The following RSL1D1 variants were observed in gnomAD, a reference collection of about 807,000 sequenced individuals.
The protein encoded by RSL1D1 is ribosomal L1 domain-containing protein 1.
In RSL1D1, 34 loss-of-function variants were observed where a neutral mutation model predicts 44.6. The ratio of observed to expected loss-of-function variants is 0.76; its 90% CI spans 0.58 to 1.02. The LOEUF (loss-of-function observed/expected upper bound fraction) is 1.02, where lower values mean the gene tolerates loss of function less well. RSL1D1 is among the 50% of genes least tolerant of loss of function. RSL1D1 has a pLI of 0.00. For synonymous variants in RSL1D1, 271 were observed against 207.4 expected (o/e 1.31, Z -2.63); for missense variants, 767 against 568.1 (o/e 1.35, Z -3.56).
In RSL1D1 at chr16:11,846,822, T is replaced by A. The variant is rs1423726467; in HGVS notation, c.406A>T (p.Lys136Ter). The A allele has an allele frequency of 6.2e-7, 1 of 1,611,224 alleles. No homozygotes were observed. ...GCTTCATAGGATTTATATTCCTTCT[T>A]TAGAGTTTGGAGGGAGATAATCTAG... ...VSQIISLQTL[K>*]KEYKSYEAKL... is the part of the protein sequence containing the mutation. The change falls in exon 4 of 9, where the codon AAG (lysine) becomes TAG (stop). Residue 136 changes from lysine (K) to a stop codon, truncating the protein, a stop_gained. Coordinates refer to ENST00000571133, the MANE Select transcript of RSL1D1 (RefSeq NM_015659.3). LOFTEE classifies it high-confidence loss of function.
Position 11,834,895 on chromosome 16 carries a change from G to C in RSL1D1, c.*2892C>G, listed in dbSNP as rs2053705957. 2 of 152,138 alleles carry C rather than the reference G, an allele frequency of 1.3e-5. No homozygotes were observed. The highest frequency in any genetic ancestry group is 1.3e-4 in the Admixed American group (2 of 15,268). The allele number at this position is 152,138 out of a possible 1,614,324, so 9.4% of individuals were successfully genotyped here. Reference sequence around the variant, plus strand: ...TTGGGAGGCTGAGGCAGGAGGACTTGAGCCCAGGAGTTCGAGCCCAGCCTA... The same window carrying C: ...TTGGGAGGCTGAGGCAGGAGGACTTCAGCCCAGGAGTTCGAGCCCAGCCTA... On this transcript the variant is annotated 3_prime_UTR_variant, in exon 9 of 9. Transcript: ENST00000571133.
At chr16:11,843,899 TA>T (rs935944374) in intron 5 of RSL1D1, among the ~76,000 whole-genome samples, 1 of 93,362 alleles carries the variant, frequency 1.1e-5, no homozygotes, top group African/African-American at 4.0e-5. Flanking sequence ...AAAAAAAGAG[TA>T]AATAGTTCTT....
At position 11,851,459 on chromosome 16, in the gene RSL1D1, G is replaced by A. The variant is rs749787930; in HGVS notation, c.54C>T (p.Ser18=). 3.7e-6 allele frequency: 6 copies of A among 1,613,992 alleles called. No individual in the cohort carries two copies. The highest frequency in any genetic ancestry group is 1.3e-5 in the African/African-American group (1 of 74,944). ...CTGTCGGGGCCGCTGGAGTCGAGGT[G>A]GAGGTTCCAGTAGCGGCTGCAGAAG... ...SLSSAAATGT[S]TSTPAAPTAR... is the part of the protein sequence containing the mutation. The change falls in exon 1 of 9, where the codon TCC becomes TCT. Residue 18 remains serine (S), a synonymous_variant. Transcript: ENST00000571133.
In RSL1D1 at chr16:11,839,857, A is replaced by T; in HGVS notation, c.984T>A (p.Thr328=). 6.2e-7 allele frequency: 1 copy of T among 1,614,118 alleles called. No homozygotes were observed. The highest frequency in any genetic ancestry group is 8.5e-7 in the Non-Finnish European group (1 of 1,180,040). ...TCTTTGATTCAGGTTTCTTCACTGTAGTATCACCACTTTCAGGTGCCACAT... is the reference window on the plus strand; with the variant it reads ...TCTTTGATTCAGGTTTCTTCACTGTTGTATCACCACTTTCAGGTGCCACAT... The part of the protein sequence containing the change: ...KDDVAPESGD[T]TVKKPESKKE... The change falls in exon 8 of 9, where the codon ACT becomes ACA. Residue 328 remains threonine, a synonymous_variant. Transcript: ENST00000571133.
Position 11,836,342 on chromosome 16 carries a change from T to C in RSL1D1, c.*1445A>G, listed in dbSNP as rs1394756977. The C allele has an allele frequency of 6.6e-6, 1 of 152,232 alleles. No individual in the cohort carries two copies. The highest frequency in any genetic ancestry group is 1.5e-5 in the Non-Finnish European group (1 of 68,046). 9.4% of individuals were successfully genotyped at this position (152,232 alleles called of 1,614,324 possible). On this transcript the variant is annotated 3_prime_UTR_variant, in exon 9 of 9. Coordinates refer to ENST00000571133, the MANE Select transcript of RSL1D1 (RefSeq NM_015659.3). ...CTGGTCACCCTAACAGGGTTACAGA[T>C]GTAAGCCACTGCATCTAGCACCCAC...
chr16:11,834,374 A>C lies in RSL1D1; in HGVS notation c.*3413T>G, dbSNP rs2053702892. 6.6e-6 allele frequency: 1 copy of C among 152,252 alleles called. No homozygotes were observed. Among genetic ancestry groups the C allele is most frequent in the Admixed American group, 6.5e-5 (1 of 15,276 alleles). 9.4% of individuals were successfully genotyped at this position (152,252 alleles called of 1,614,324 possible). A position where few individuals can be genotyped will look rare whatever the true frequency, so the allele number is the denominator to read the frequency against. ...ATAACACCAGCATCTTGCTCAATAAATTGAAGCCAGCTTTTTCAACAGAGA... is the reference window on the plus strand; with the variant it reads ...ATAACACCAGCATCTTGCTCAATAACTTGAAGCCAGCTTTTTCAACAGAGA... On this transcript the variant is annotated 3_prime_UTR_variant, in exon 9 of 9. Coordinates refer to ENST00000571133, the MANE Select transcript of RSL1D1 (RefSeq NM_015659.3).
rs772213802 is a variant in RSL1D1, at chr16:11,839,752, G to A, written c.1089C>T (p.Asp363=). 99 of 1,613,926 alleles carry A rather than the reference G, an allele frequency of 6.1e-5. No individual in the cohort carries two copies. The highest frequency in any genetic ancestry group is 7.5e-5 in the Non-Finnish European group (89 of 1,180,010). ...AQVKATNESE[D]EIPQLVPIGK... ...CTATTGGTACCAGCTGTGGGATTTC[G>A]TCTTCGGATTCATTTGTTGCTTTAA... is the stretch of plus-strand genomic sequence containing the variant. The change falls in exon 8 of 9, where the codon GAC becomes GAT. Residue 363 remains aspartate (D), a synonymous_variant. Coordinates refer to ENST00000571133, the MANE Select transcript of RSL1D1 (RefSeq NM_015659.3).
At chr16:11,841,190 G>A (rs544244609) in intron 7 of RSL1D1, among the ~76,000 whole-genome samples, 27 of 152,182 alleles carry the variant, frequency 1.8e-4, no homozygotes, top group South Asian at 4.1e-4. Flanking sequence ...CAGGCGGATC[G>A]CTTGAGCTCA....
Position 11,849,067 on chromosome 16 carries a change from C to T in RSL1D1, c.245+1212G>A, listed in dbSNP as rs11645213. Among the ~76,000 whole-genome samples, 17 of 151,926 alleles carry T rather than the reference C, an allele frequency of 1.1e-4. No individual in the cohort carries two copies. The South Asian group carries it at 3.5e-3, about 31-fold the overall frequency. On this transcript the variant is annotated intron_variant, in intron 2 of 8. Coordinates refer to ENST00000571133, the MANE Select transcript of RSL1D1 (RefSeq NM_015659.3). ...GTGCTGAGATTACAGGGATGAGTCA[C>T]CATGCCCAGCATAACATAACTTTTA...
chr16:11,834,783 T>C lies in RSL1D1; in HGVS notation c.*3004A>G, dbSNP rs1596434683. Reference sequence around the variant, plus strand: ...TAATTTTATATTTTAGATGCTTTCATAATTTAAAAAGTTAACATTACAATT... The same window carrying C: ...TAATTTTATATTTTAGATGCTTTCACAATTTAAAAAGTTAACATTACAATT... On this transcript the variant is annotated 3_prime_UTR_variant, in exon 9 of 9. Transcript: ENST00000571133. 3 of 152,342 alleles carry C rather than the reference T, an allele frequency of 2.0e-5. No homozygotes were observed. In the South Asian group the frequency reaches 6.2e-4, roughly 32 times the overall value. 9.4% of individuals were successfully genotyped at this position (152,342 alleles called of 1,614,324 possible).
At chr16:11,839,663 T>A (rs2053749729) in intron 8 of RSL1D1, 32 bp downstream of exon 8, 1 of 1,605,486 alleles carries the variant, frequency 6.2e-7, no homozygotes, top group Non-Finnish European at 8.5e-7. Flanking sequence ...ACTGAACCAA[T>A]CCATTATGAA....
intron 7 of RSL1D1, chr16:11,841,426 G>A (rs936494849): frequency 4.9e-5 from 15 of 303,230 alleles, no homozygotes. Flanking sequence ...AACCCAGCAA[G>A]CACTGGATCT....
rs550897138 is a variant in RSL1D1 at position 11,835,584 on chromosome 16, C to T, written c.*2203G>A. On this transcript the variant is annotated 3_prime_UTR_variant, in exon 9 of 9. Transcript: ENST00000571133. Reference sequence around the variant, plus strand: ...TCATGGCCCATTGCAGCCTCTACCTCCCGGGTTCAAGCAATCCTCCCACCT... The same window carrying T: ...TCATGGCCCATTGCAGCCTCTACCTTCCGGGTTCAAGCAATCCTCCCACCT... The T allele has an allele frequency of 6.6e-6, 1 of 152,360 alleles. No individual in the cohort carries two copies. The highest frequency in any genetic ancestry group is 2.1e-4 in the South Asian group (1 of 4,826). 9.4% of individuals were successfully genotyped at this position (152,360 alleles called of 1,614,324 possible).
chr16:11,847,060 T>C (rs992063580), intron 3 of RSL1D1, among the ~76,000 whole-genome samples: 2 of 152,034 alleles, frequency 1.3e-5, no homozygotes, highest in Non-Finnish European at 2.9e-5. Context: ...GCAACTTAGA[T>C]CTAGGTGGGC....
chr16:11,848,207 C>A (rs1485356174), intron 2 of RSL1D1, among the ~76,000 whole-genome samples: 1 of 152,080 alleles, frequency 6.6e-6, no homozygotes, highest in Non-Finnish European at 1.5e-5. Flanking sequence ...GAGCCAAGAT[C>A]GCACCACTGG....
chr16:11,850,708 C>T (rs1229917158), intron 1 of RSL1D1, among the ~76,000 whole-genome samples: 4 of 152,204 alleles, frequency 2.6e-5, no homozygotes, highest in African/African-American at 9.6e-5. Context: ...GGGAAACGTG[C>T]CCCTCCTGCC....
intron 8 of RSL1D1, 134 bp from the exon 9 acceptor site, chr16:11,838,247 G>A: frequency 4.1e-6 from 3 of 729,138 alleles, no homozygotes; most frequent in South Asian, 2.2e-5. Context: ...ATGCTAGAGT[G>A]CAATGGCACA....
intron 8 of RSL1D1, among the ~76,000 whole-genome samples, chr16:11,838,655 A>C (rs1183409709): frequency 6.6e-6 from 1 of 151,640 alleles, no homozygotes; most frequent in Admixed American, 6.6e-5. Flanking sequence ...CCAGGAGTTC[A>C]AGAGTAGCCT....
At chr16:11,838,159 C>T (rs983783372) in intron 8 of RSL1D1, 46 bp from the exon 9 acceptor site, 6 of 1,409,556 alleles carry the variant, frequency 4.3e-6, no homozygotes, top group Non-Finnish European at 5.8e-6. Flanking sequence ...GCCACAAAAC[C>T]TGACACTCTA....
Sources: gnomAD v4.1 joint callset for allele counts (sites outside exome capture counted in the v4.1 genomes callset) on GRCh38, gnomAD v4.1.1 for gene constraint, MANE v1.5 for transcripts, NCBI Gene and HGNC (gene_info 2026-07-23, HGNC 2026-07-21) for gene names.